KCNIP4: variants seen among roughly 807,000 people sequenced by gnomAD.
KCNIP4 encodes potassium voltage-gated channel interacting protein 4.
A neutral mutation model predicts 34.0 loss-of-function variants in KCNIP4; 12 were observed. The observed-to-expected ratio is 0.35, with a 90% CI of 0.23 to 0.57. KCNIP4 has a LOEUF of 0.57. Among genes scored for constraint, KCNIP4 ranks in the 20% least tolerant of loss-of-function variants. The pLI is 0.83. For synonymous variants in KCNIP4, 124 were observed against 102.2 expected, an observed-to-expected ratio of 1.21 and a Z score of -1.29; for missense variants, 238 against 311.7, an observed-to-expected ratio of 0.76 and a Z score of 1.78.
At chr4:21,582,031 TGG>T (rs1741254850) in intron 1 of KCNIP4, 223 of 62,510 alleles carry the variant, frequency 3.6e-3, no homozygotes, top group African/African-American at 0.01. Context: ...TAGAATAGAA[TGG>T]AATGGAATGG....
chr4:21,642,341 C>G (rs1746673641), intron 1 of KCNIP4, among the ~76,000 whole-genome samples: 1 of 151,444 alleles, frequency 6.6e-6, no homozygotes, highest in Non-Finnish European at 1.5e-5. Flanking sequence ...TGGGCCTTAT[C>G]ATATCCCCAA....
intron 1 of KCNIP4, among the ~76,000 whole-genome samples, chr4:20,979,475 T>G (rs2149688678): frequency 6.7e-6 from 1 of 150,368 alleles, no homozygotes; most frequent in African/African-American, 2.4e-5. Context: ...CTCGGCTCAC[T>G]GCAAGCTCCG....
intron 3 of KCNIP4, among the ~76,000 whole-genome samples, chr4:20,759,997 T>A (rs1754816154): frequency 6.6e-6 from 1 of 152,200 alleles, no homozygotes; most frequent in South Asian, 2.1e-4. Context: ...CTTCCTATCC[T>A]GTATCTTTGA....
chr4:21,720,584 A>G (rs1714753455), intron 1 of KCNIP4, among the ~76,000 whole-genome samples: 1 of 144,178 alleles, frequency 6.9e-6, no homozygotes, highest in Non-Finnish European at 1.5e-5. Flanking sequence ...CACAACGTGC[A>G]GGTTTGTTAC....
chr4:21,242,891 TGTGTGTGTGTGTG>T (rs1759949732), intron 1 of KCNIP4, among the ~76,000 whole-genome samples: 1 of 44,200 alleles, frequency 2.3e-5, no homozygotes. Flanking sequence ...TGTGTGTGTG[TGTGTGTGTGTGTG>T]TGTGTGTGTG....
chr4:20,929,497 G>T (rs1730226208), intron 1 of KCNIP4, among the ~76,000 whole-genome samples: 1 of 151,962 alleles, frequency 6.6e-6, no homozygotes, highest in Non-Finnish European at 1.5e-5. Flanking sequence ...GCCCACTTTT[G>T]CTACTTCTAT....
At chr4:21,496,028 C>T (rs576550587) in intron 1 of KCNIP4, among the ~76,000 whole-genome samples, 2 of 152,260 alleles carry the variant, frequency 1.3e-5, no homozygotes, top group African/African-American at 4.8e-5. Context: ...AAGAGCTACT[C>T]TTTGAGAACC....
At chr4:21,250,874 G>A (rs1383092120) in intron 1 of KCNIP4, among the ~76,000 whole-genome samples, 3 of 150,116 alleles carry the variant, frequency 2.0e-5, no homozygotes, top group Admixed American at 6.7e-5. Flanking sequence ...TAAAATATAT[G>A]TAATATAAAT....
chr4:20,753,085 T>TA (rs948811309), intron 4 of KCNIP4, among the ~76,000 whole-genome samples: 1 of 152,172 alleles, frequency 6.6e-6, no homozygotes, highest in African/African-American at 2.4e-5. Flanking sequence ...AGCTGAAAAA[T>TA]AAATGTTGAG....
At chr4:21,718,575 T>A (rs1011594525) in intron 1 of KCNIP4, 1 of 152,276 alleles carries the variant, frequency 6.6e-6, no homozygotes, top group African/African-American at 2.4e-5. Context: ...TGTCTGAAAC[T>A]TCTCTAAATG....
chr4:21,942,575 G>A (rs936865682), intron 1 of KCNIP4, among the ~76,000 whole-genome samples: 7 of 152,214 alleles, frequency 4.6e-5, no homozygotes, highest in African/African-American at 9.7e-5. Flanking sequence ...TTGATGTCAT[G>A]TACTGTGCTC....
intron 1 of KCNIP4, among the ~76,000 whole-genome samples, chr4:21,360,003 A>G (rs1045430964): frequency 6.6e-6 from 1 of 152,150 alleles, no homozygotes; most frequent in Non-Finnish European, 1.5e-5. Flanking sequence ...ATTTGCAAAT[A>G]GTTGACATTA....
At chr4:20,949,728 A>G (rs1269553901) in intron 1 of KCNIP4, among the ~76,000 whole-genome samples, 1 of 151,944 alleles carries the variant, frequency 6.6e-6, no homozygotes. Flanking sequence ...TGAAATTGGA[A>G]ATAACCATTC....
chr4:20,816,769 T>C (rs757922977), intron 3 of KCNIP4, among the ~76,000 whole-genome samples: 6 of 152,206 alleles, frequency 3.9e-5, no homozygotes, highest in African/African-American at 7.2e-5. Context: ...TATAAACCAT[T>C]TGAATTTTTC....
At chr4:21,340,983 G>C (rs1285997709) in intron 1 of KCNIP4, among the ~76,000 whole-genome samples, 1 of 152,082 alleles carries the variant, frequency 6.6e-6, no homozygotes, top group Non-Finnish European at 1.5e-5. Context: ...GGGTATTTGT[G>C]GACAAAATTA....
intron 1 of KCNIP4, among the ~76,000 whole-genome samples, chr4:21,146,406 A>G (rs7436988): frequency 2.3e-4 from 14 of 61,746 alleles, no homozygotes; most frequent in Non-Finnish European, 4.1e-4. Flanking sequence ...CAAAAAAAAG[A>G]AAAAAAAAAG....
intron 3 of KCNIP4, among the ~76,000 whole-genome samples, chr4:20,798,139 G>A (rs1376307875): frequency 2.0e-5 from 3 of 151,938 alleles, no homozygotes; most frequent in African/African-American, 7.3e-5. Flanking sequence ...TTCTCTAATC[G>A]TTATGACGAG....
At chr4:21,108,891 C>T (rs953177014) in intron 1 of KCNIP4, among the ~76,000 whole-genome samples, 2 of 152,194 alleles carry the variant, frequency 1.3e-5, no homozygotes, top group African/African-American at 4.8e-5. Context: ...TGGGTAACAG[C>T]AGTGGTGGCT....
chr4:21,091,193 C>A (rs148530482), intron 1 of KCNIP4, among the ~76,000 whole-genome samples: 1 of 152,166 alleles, frequency 6.6e-6, no homozygotes, highest in Non-Finnish European at 1.5e-5. Flanking sequence ...TTCATTCACT[C>A]AGCATTTATG....
Sources: gnomAD v4.1 joint callset for allele counts (sites outside exome capture counted in the v4.1 genomes callset) on GRCh38, gnomAD v4.1.1 for gene constraint, MANE v1.5 for transcripts, NCBI Gene and HGNC (gene_info 2026-07-23, HGNC 2026-07-21) for gene names.